Variants in SAMD4A observed in about 807,000 individuals in gnomAD.
The protein encoded by SAMD4A is sterile alpha motif domain containing 4A.
A neutral mutation model predicts 81.3 loss-of-function variants in SAMD4A; 33 were observed. That is an observed-to-expected ratio of 0.41 (90% CI 0.31 to 0.54). The LOEUF (loss-of-function observed/expected upper bound fraction) is 0.54, where lower values mean the gene tolerates loss of function less well. SAMD4A is among the 20% of genes least tolerant of loss of function. The pLI is 0.37. For missense variants in SAMD4A, 854 were observed against 951.1 expected, an observed-to-expected ratio of 0.90 and a Z score of 1.34; for synonymous variants, 389 against 382.1, an observed-to-expected ratio of 1.02 and a Z score of -0.21.
chr14:54,706,280 C>A (rs74444110), intron 3 of SAMD4A, among the ~76,000 whole-genome samples: 104 of 110,376 alleles, frequency 9.4e-4, no homozygotes, highest in Middle Eastern at 6.6e-3. Context: ...GACTTAGTCT[C>A]AAAAAAAAAA....
At chr14:54,673,350 T>C (rs932219913) in intron 2 of SAMD4A, among the ~76,000 whole-genome samples, 12 of 152,256 alleles carry the variant, frequency 7.9e-5, no homozygotes, top group African/African-American at 2.7e-4. Flanking sequence ...TAAATAGTCC[T>C]GGCTCCTACC....
intron 2 of SAMD4A, among the ~76,000 whole-genome samples, chr14:54,588,421 G>A (rs949540507): frequency 6.6e-6 from 1 of 150,964 alleles, no homozygotes; most frequent in Non-Finnish European, 1.5e-5. Flanking sequence ...CTTTTTTTCT[G>A]CTGGGTTTGG....
intron 2 of SAMD4A, among the ~76,000 whole-genome samples, chr14:54,643,960 CTG>C (rs2035229962): frequency 6.6e-6 from 1 of 152,188 alleles, no homozygotes. Context: ...GCGGGGAAGA[CTG>C]TAGGTCCAGG....
chr14:54,742,341 TG>T (rs535985657), intron 4 of SAMD4A, among the ~76,000 whole-genome samples: 3 of 150,838 alleles, frequency 2.0e-5, no homozygotes, highest in South Asian at 2.1e-4. Flanking sequence ...AGAAATAGAA[TG>T]GGGGGGGCAG....
chr14:54,746,916 A>G (rs1377168398), intron 4 of SAMD4A, among the ~76,000 whole-genome samples: 1 of 152,260 alleles, frequency 6.6e-6, no homozygotes, highest in East Asian at 1.9e-4. Context: ...CCAAAGCTGT[A>G]GTTAAAATCA....
intron 2 of SAMD4A, among the ~76,000 whole-genome samples, chr14:54,625,773 C>T (rs2034729370): frequency 6.6e-6 from 1 of 152,254 alleles, no homozygotes; most frequent in African/African-American, 2.4e-5. Flanking sequence ...GCTTTGCTCA[C>T]GGGGCATGTT....
chr14:54,606,432 G>A (rs1268529577), intron 2 of SAMD4A, among the ~76,000 whole-genome samples: 3 of 152,200 alleles, frequency 2.0e-5, no homozygotes, highest in East Asian at 1.9e-4. Flanking sequence ...CTTCCGACAC[G>A]TCCTTTGTGG....
intron 2 of SAMD4A, among the ~76,000 whole-genome samples, chr14:54,592,191 A>T (rs1306181927): frequency 6.6e-6 from 1 of 152,100 alleles, no homozygotes; most frequent in Non-Finnish European, 1.5e-5. Context: ...CAATTGTAAG[A>T]ACTCCTTCAA....
intron 2 of SAMD4A, among the ~76,000 whole-genome samples, chr14:54,680,014 T>C (rs1161090266): frequency 3.3e-5 from 5 of 152,234 alleles, no homozygotes; most frequent in Admixed American, 6.5e-5. Flanking sequence ...AGATGGAGCA[T>C]GTGTGCTCAC....
chr14:54,788,794 C>T (rs1405105593), intron 12 of SAMD4A, 122 bp from the exon 13 acceptor site: 16 of 1,158,890 alleles, frequency 1.4e-5, no homozygotes, highest in Non-Finnish European at 1.8e-5. Flanking sequence ...AACACATGAA[C>T]GTAGGTGCCC....
At chr14:54,724,007 T>TGGAAGGAAGAAGGAA (rs1555347508) in intron 3 of SAMD4A, among the ~76,000 whole-genome samples, 4 of 124,176 alleles carry the variant, frequency 3.2e-5, no homozygotes, top group East Asian at 2.5e-4. Flanking sequence ...GATGGATGGA[T>TGGAAGGAAGAAGGAA]GGAAGGAAGG....
intron 5 of SAMD4A, among the ~76,000 whole-genome samples, chr14:54,750,289 G>C (rs2038071457): frequency 6.6e-6 from 1 of 152,158 alleles, no homozygotes; most frequent in Non-Finnish European, 1.5e-5. Flanking sequence ...TTTCATCTTA[G>C]AGACTGGGTT....
At chr14:54,581,194 T>C (rs1594690223) in intron 2 of SAMD4A, among the ~76,000 whole-genome samples, 1 of 152,372 alleles carries the variant, frequency 6.6e-6, no homozygotes, top group South Asian at 2.1e-4. Flanking sequence ...GGATTGTGGA[T>C]GTGTAAAAGT....
At chr14:54,683,478 A>G (rs537420643) in intron 2 of SAMD4A, among the ~76,000 whole-genome samples, 1 of 152,338 alleles carries the variant, frequency 6.6e-6, no homozygotes, top group South Asian at 2.1e-4. Context: ...ACCATCCACG[A>G]TACTTCATGG....
intron 2 of SAMD4A, among the ~76,000 whole-genome samples, chr14:54,663,568 T>C (rs1206366951): frequency 6.6e-6 from 1 of 152,202 alleles, no homozygotes; most frequent in African/African-American, 2.4e-5. Context: ...ATTTGTAGCA[T>C]TGTACTGCAC....
chr14:54,787,741 G>C (rs953325738), intron 12 of SAMD4A, among the ~76,000 whole-genome samples: 1 of 152,166 alleles, frequency 6.6e-6, no homozygotes, highest in Non-Finnish European at 1.5e-5. Flanking sequence ...TGTCAGTTCT[G>C]GCACAGACTG....
intron 11 of SAMD4A, among the ~76,000 whole-genome samples, chr14:54,777,373 G>C (rs2038882052): frequency 6.6e-6 from 1 of 152,240 alleles, no homozygotes; most frequent in Non-Finnish European, 1.5e-5. Context: ...AGTTGGAGCT[G>C]AGCTTCAGGG....
intron 3 of SAMD4A, among the ~76,000 whole-genome samples, chr14:54,710,610 A>C (rs1384424577): frequency 6.6e-6 from 1 of 152,018 alleles, no homozygotes; most frequent in African/African-American, 2.4e-5. Context: ...CTTTTCTCTG[A>C]CCCTGGATTT....
At chr14:54,715,782 T>C (rs2140833304) in intron 3 of SAMD4A, among the ~76,000 whole-genome samples, 1 of 152,236 alleles carries the variant, frequency 6.6e-6, no homozygotes, top group African/African-American at 2.4e-5. Context: ...TAAGGGGTGA[T>C]CTGATAATTT....
Sources: gnomAD v4.1 joint callset for allele counts (sites outside exome capture counted in the v4.1 genomes callset) on GRCh38, gnomAD v4.1.1 for gene constraint, MANE v1.5 for transcripts, NCBI Gene and HGNC (gene_info 2026-07-23, HGNC 2026-07-21) for gene names.